Variants in CPQ observed in about 807,000 individuals in gnomAD.
CPQ encodes Ser-Met dipeptidase.
CPQ carries 37 observed loss-of-function variants against 45.7 expected under a neutral mutation model. The ratio of observed to expected loss-of-function variants is 0.81; its 90% CI spans 0.62 to 1.07. CPQ has a LOEUF of 1.07. Ranked by LOEUF, CPQ falls within the 50% of genes least tolerant of loss-of-function variation. The pLI is 0.00. For synonymous variants in CPQ, 186 were observed against 205.8 expected (o/e 0.90, Z 0.82); for missense variants, 537 against 572.9 (o/e 0.94, Z 0.64).
chr8:96,705,423 G>C (rs1442520834), intron 1 of CPQ, among the ~76,000 whole-genome samples: 1 of 152,164 alleles, frequency 6.6e-6, no homozygotes, highest in Non-Finnish European at 1.5e-5. Flanking sequence ...TTTCCTCACA[G>C]CCTCTTCTAT....
chr8:97,018,614 T>G (rs1040531146), intron 5 of CPQ, among the ~76,000 whole-genome samples: 1 of 152,002 alleles, frequency 6.6e-6, no homozygotes, highest in African/African-American at 2.4e-5. Flanking sequence ...GTCTCAGCAA[T>G]AGAATTGAAC....
intron 4 of CPQ, among the ~76,000 whole-genome samples, chr8:96,901,057 G>C (rs1168287210): frequency 6.6e-6 from 1 of 152,090 alleles, no homozygotes; most frequent in Non-Finnish European, 1.5e-5. Context: ...TTTAGCCCAG[G>C]TTCTGGGAAT....
chr8:97,008,078 C>G (rs1809418041), intron 5 of CPQ, among the ~76,000 whole-genome samples: 1 of 152,034 alleles, frequency 6.6e-6, no homozygotes, highest in South Asian at 2.1e-4. Flanking sequence ...CCTGAACTAT[C>G]GCCTCTTGTT....
Position 97,039,591 on chromosome 8 carries a change from T to A in CPQ, c.1053+10097T>A, listed in dbSNP as rs747077257. Among the ~76,000 whole-genome samples the A allele has an allele frequency of 2.2e-3, 330 of 152,042 alleles. 3 individuals are homozygous for A. The highest frequency in any genetic ancestry group is 3.3e-3 in the Non-Finnish European group (222 of 67,980). On this transcript the variant is annotated intron_variant, in intron 6 of 7. Coordinates refer to ENST00000220763, the MANE Select transcript of CPQ (RefSeq NM_016134.4). ...CTGGTGTGCTGCACCCATTAACTCG[T>A]CATTTAGCATTAGGTATATCTCCTA...
intron 1 of CPQ, among the ~76,000 whole-genome samples, chr8:96,681,978 T>C (rs1017997223): frequency 6.6e-6 from 1 of 152,198 alleles, no homozygotes; most frequent in African/African-American, 2.4e-5. Context: ...GTACCCCCAT[T>C]GTATCTAGGA....
At chr8:96,906,341 G>C (rs1812577005) in intron 4 of CPQ, among the ~76,000 whole-genome samples, 1 of 152,252 alleles carries the variant, frequency 6.6e-6, no homozygotes, top group East Asian at 1.9e-4. Flanking sequence ...CTGGATAAAA[G>C]AGGTAATGCT....
intron 1 of CPQ, among the ~76,000 whole-genome samples, chr8:96,647,648 A>G (rs1389530378): frequency 6.6e-6 from 1 of 152,224 alleles, no homozygotes; most frequent in Non-Finnish European, 1.5e-5. Flanking sequence ...AAGCATATAT[A>G]CAAACCCTGG....
At chr8:96,718,216 G>T (rs1809709982) in intron 1 of CPQ, among the ~76,000 whole-genome samples, 1 of 152,126 alleles carries the variant, frequency 6.6e-6, no homozygotes, top group Non-Finnish European at 1.5e-5. Context: ...TTAACTGGGG[G>T]CTTCTCCCAA....
At chr8:96,971,471 T>C (rs1813679147) in intron 5 of CPQ, among the ~76,000 whole-genome samples, 1 of 152,240 alleles carries the variant, frequency 6.6e-6, no homozygotes, top group Non-Finnish European at 1.5e-5. Flanking sequence ...TCAGAATTTG[T>C]AAGATTTTTA....
At chr8:96,992,393 A>T (rs1378407457) in intron 5 of CPQ, among the ~76,000 whole-genome samples, 1 of 152,168 alleles carries the variant, frequency 6.6e-6, no homozygotes, top group Non-Finnish European at 1.5e-5. Context: ...TGTAGTTGAC[A>T]ATCTAGCTAC....
intron 2 of CPQ, among the ~76,000 whole-genome samples, chr8:96,829,332 A>G (rs1811419249): frequency 6.6e-6 from 1 of 152,166 alleles, no homozygotes; most frequent in African/African-American, 2.4e-5. Context: ...AGGATGGGTC[A>G]TGTGCCTTCA....
chr8:96,974,156 T>TGCAG (rs1323973976), intron 5 of CPQ, among the ~76,000 whole-genome samples: 3 of 152,042 alleles, frequency 2.0e-5, no homozygotes, highest in Non-Finnish European at 4.4e-5. Context: ...CACGTAAACT[T>TGCAG]AAGATGAAGG....
chr8:96,908,393 G>T (rs1018803176), intron 4 of CPQ, among the ~76,000 whole-genome samples: 2 of 152,092 alleles, frequency 1.3e-5, no homozygotes, highest in African/African-American at 4.8e-5. Context: ...TAGACTGGAG[G>T]TTGGCATGTG....
At chr8:97,072,188 C>T (rs1268630417) in intron 7 of CPQ, among the ~76,000 whole-genome samples, 1 of 152,086 alleles carries the variant, frequency 6.6e-6, no homozygotes, top group African/African-American at 2.4e-5. Flanking sequence ...GGGTGGGGCC[C>T]AGTATTCACT....
At chr8:96,750,613 C>T (rs1161367551) in intron 1 of CPQ, among the ~76,000 whole-genome samples, 111 of 143,802 alleles carry the variant, frequency 7.7e-4, no homozygotes, top group African/African-American at 2.8e-3. Context: ...CTGGTTTTCA[C>T]TTTTTTTTTT....
intron 6 of CPQ, among the ~76,000 whole-genome samples, chr8:97,057,327 G>A (rs1810471292): frequency 1.3e-5 from 2 of 152,302 alleles, no homozygotes; most frequent in East Asian, 3.9e-4. Flanking sequence ...GTTAGGAAAA[G>A]TGTTTCTGCA....
intron 1 of CPQ, among the ~76,000 whole-genome samples, chr8:96,775,742 G>C (rs1051584733): frequency 6.6e-6 from 1 of 152,186 alleles, no homozygotes; most frequent in African/African-American, 2.4e-5. Flanking sequence ...AGAGTTCTTA[G>C]TACACAGATT....
chr8:96,985,899 G>A (rs1333158637), intron 5 of CPQ, among the ~76,000 whole-genome samples: 1 of 152,116 alleles, frequency 6.6e-6, no homozygotes, highest in Non-Finnish European at 1.5e-5. Context: ...TGCCAATTTA[G>A]TTTATTTGGG....
intron 1 of CPQ, among the ~76,000 whole-genome samples, chr8:96,781,389 A>C (rs1002711883): frequency 7.2e-5 from 11 of 152,162 alleles, no homozygotes; most frequent in Non-Finnish European, 1.5e-4. Flanking sequence ...ACATAGTGGA[A>C]GGGCAAGAGA....
Sources: allele counts gnomAD v4.1 joint callset (sites outside exome capture counted in the v4.1 genomes callset), GRCh38; gene constraint gnomAD v4.1.1; transcripts MANE v1.5; gene names NCBI Gene and HGNC (gene_info 2026-07-23, HGNC 2026-07-21).